PIGF: variants seen among roughly 807,000 people sequenced by gnomAD.
The protein encoded by PIGF is phosphatidylinositol glycan anchor biosynthesis class F.
Under a neutral mutation model 26.0 loss-of-function variants are expected in PIGF, and 23 were observed. The observed-to-expected ratio is 0.88, with a 90% CI of 0.64 to 1.25. PIGF has a LOEUF of 1.25. PIGF is among the 50% of genes most tolerant of loss of function. PIGF has a pLI of 0.00. For synonymous variants in PIGF, 93 were observed against 92.6 expected (o/e 1.00, Z -0.03); for missense variants, 278 against 249.9 (o/e 1.11, Z -0.76).
chr2:46,608,408 T>C (rs1670291614), intron 4 of PIGF, among the ~76,000 whole-genome samples: 1 of 152,210 alleles, frequency 6.6e-6, no homozygotes, highest in Non-Finnish European at 1.5e-5. Context: ...TCCACTGAAG[T>C]CCTGAACCTC....
chr2:46,590,463 A>T (rs1385784879), intron 5 of PIGF, among the ~76,000 whole-genome samples: 3 of 152,162 alleles, frequency 2.0e-5, no homozygotes, highest in African/African-American at 7.2e-5. Context: ...TCTTGTAAAC[A>T]GAAAAGACTT....
At position 46,581,164 on chromosome 2, in the gene PIGF, A is replaced by G. The variant is rs149232659; in HGVS notation, c.*314T>C. Reference sequence around the variant, plus strand: ...TGCTACAGCTATACCCAGACCTTTTATAGGTAATGAAGCAGTTCAAAACTT... The same window carrying G: ...TGCTACAGCTATACCCAGACCTTTTGTAGGTAATGAAGCAGTTCAAAACTT... On this transcript the variant is annotated 3_prime_UTR_variant, in exon 6 of 6. Transcript: ENST00000281382. The G allele has an allele frequency of 1.7e-3, 2,027 of 1,180,902 alleles. 12 individuals are homozygous for G. In the African/African-American group the frequency reaches 0.024, roughly 14 times the overall value. 73.2% of individuals were successfully genotyped at this position (1,180,902 alleles called of 1,614,324 possible).
At chr2:46,601,167 A>G (rs1327988918) in intron 4 of PIGF, among the ~76,000 whole-genome samples, 2 of 152,118 alleles carry the variant, frequency 1.3e-5, no homozygotes, top group South Asian at 4.1e-4. Context: ...TAATAAAGCT[A>G]TTTGAATTCT....
intron 4 of PIGF, among the ~76,000 whole-genome samples, chr2:46,597,459 C>T (rs1000273547): frequency 5.9e-5 from 9 of 151,554 alleles, no homozygotes; most frequent in Admixed American, 1.3e-4. Context: ...GTCATCCAGG[C>T]TGGAGTGCAG....
intron 4 of PIGF, among the ~76,000 whole-genome samples, chr2:46,596,745 C>T (rs543461160): frequency 6.6e-6 from 1 of 152,070 alleles, no homozygotes; most frequent in African/African-American, 2.4e-5. Context: ...GATTTAGCAC[C>T]TTTTATCTAC....
chr2:46,591,918 A>G, intron 5 of PIGF: 1 of 1,303,890 alleles, frequency 7.7e-7, no homozygotes, highest in African/African-American at 1.5e-5. Flanking sequence ...TTACCTTGCT[A>G]TCTGCTTCTA....
At chr2:46,599,454 T>C (rs981865814) in intron 4 of PIGF, among the ~76,000 whole-genome samples, 6 of 152,210 alleles carry the variant, frequency 3.9e-5, no homozygotes, top group Non-Finnish European at 8.8e-5. Context: ...TTCTCCTCTA[T>C]ATTTATCACA....
chr2:46,584,951 AT>A, intron 5 of PIGF, among the ~76,000 whole-genome samples: 1 of 152,314 alleles, frequency 6.6e-6, no homozygotes, highest in Admixed American at 6.5e-5. Flanking sequence ...TGGCAACAGA[AT>A]TCATTTGTAA....
rs146132195 is a variant in PIGF at position 46,591,644 on chromosome 2, G to T, written c.546+831C>A. 1,154 of 923,822 alleles carry T rather than the reference G, an allele frequency of 1.2e-3. 10 individuals are homozygous for T. In the African/African-American group the frequency reaches 0.019, roughly 15 times the overall value. 57.2% of individuals were successfully genotyped at this position (923,822 alleles called of 1,614,324 possible). ...AATCTAAATGATCAATAGTGAATTT[G>T]TTAAATAAGTTATAAAGTATATAAT... On this transcript the variant is annotated intron_variant, in intron 5 of 5. Coordinates refer to ENST00000281382, the MANE Select transcript of PIGF (RefSeq NM_002643.4).
intron 4 of PIGF, among the ~76,000 whole-genome samples, chr2:46,603,656 G>A (rs1432321774): frequency 6.6e-6 from 1 of 151,990 alleles, no homozygotes; most frequent in African/African-American, 2.4e-5. Context: ...ATATCCATAC[G>A]CAGAAGAATG....
intron 4 of PIGF, among the ~76,000 whole-genome samples, chr2:46,608,241 T>G (rs1405361323): frequency 1.3e-5 from 2 of 152,248 alleles, no homozygotes; most frequent in African/African-American, 4.8e-5. Context: ...TCTTCACCAG[T>G]AGATTCCATC....
intron 4 of PIGF, among the ~76,000 whole-genome samples, chr2:46,603,722 A>G (rs1325618378): frequency 6.6e-6 from 1 of 152,096 alleles, no homozygotes; most frequent in Non-Finnish European, 1.5e-5. Flanking sequence ...TGGATTAAAG[A>G]CTTAAATTTA....
intron 5 of PIGF, chr2:46,591,738 A>T: frequency 2.6e-6 from 3 of 1,140,196 alleles, no homozygotes; most frequent in Non-Finnish European, 3.3e-6. Flanking sequence ...TGACCTTGGG[A>T]ATGTTACATA....
intron 4 of PIGF, among the ~76,000 whole-genome samples, chr2:46,601,817 T>C (rs887370952): frequency 3.3e-5 from 5 of 152,040 alleles, no homozygotes; most frequent in Non-Finnish European, 7.4e-5. Context: ...AAATAGGTCT[T>C]ATTGAATGTT....
Position 46,615,245 on chromosome 2 carries a change from T to C in PIGF, c.-21-60A>G. On this transcript the variant is annotated intron_variant, in intron 1 of 5. Transcript: ENST00000281382. ...TAACGACTTTTTCCATTGTCTTAAA[T>C]GTTTTGACCCCTAAAAATAGGTCAT... The C allele has an allele frequency of 6.9e-6, 5 of 720,748 alleles. No individual in the cohort carries two copies. The South Asian group carries it at 8.6e-5, about 12-fold the overall frequency. 44.6% of individuals were successfully genotyped at this position (720,748 alleles called of 1,614,324 possible).
intron 4 of PIGF, among the ~76,000 whole-genome samples, chr2:46,611,568 G>T (rs1475685805): frequency 6.6e-6 from 1 of 151,990 alleles, no homozygotes; most frequent in African/African-American, 2.4e-5. Context: ...CAGACTAAGT[G>T]CTCAAGAAGT....
Position 46,617,032 on chromosome 2 carries a change from G to C in PIGF, c.-84C>G, listed in dbSNP as rs528159996. 3.4e-6 allele frequency: 2 copies of C among 589,060 alleles called. No individual in the cohort carries two copies. Among genetic ancestry groups the C allele is most frequent in the South Asian group, 4.0e-5 (2 of 50,468 alleles). The allele number at this position is 589,060 out of a possible 1,614,324, so 36.5% of individuals were successfully genotyped here. On this transcript the variant is annotated 5_prime_UTR_variant, in exon 1 of 6. Coordinates refer to ENST00000281382, the MANE Select transcript of PIGF (RefSeq NM_002643.4). ...CTGCCTCCTACCATCAGGTACGACG[G>C]GCGGCCCAGGCCCACGCGCAGGCGC... is the stretch of plus-strand genomic sequence containing the variant.
At chr2:46,613,604 A>T in intron 3 of PIGF, 90 bp downstream of exon 3, 1 of 890,028 alleles carries the variant, frequency 1.1e-6, no homozygotes, top group East Asian at 2.8e-5. Context: ...GATGCACATC[A>T]TGGTTTTTCT....
At position 46,581,231 on chromosome 2, in the gene PIGF, T is replaced by C. The variant is rs1300801084; in HGVS notation, c.*247A>G. 3.0e-6 allele frequency: 3 copies of C among 989,624 alleles called. No homozygotes were observed. The highest frequency in any genetic ancestry group is 1.8e-5 in the South Asian group (1 of 54,086). The allele number at this position is 989,624 out of a possible 1,614,324, so 61.3% of individuals were successfully genotyped here. On this transcript the variant is annotated 3_prime_UTR_variant, in exon 6 of 6. Transcript: ENST00000281382. ...TGTCCTCAGAATTCTATAAAGTGTA[T>C]TAAGAATGTTCCTTAAAGGTTTAAG...
Sources: allele counts gnomAD v4.1 joint callset (sites outside exome capture counted in the v4.1 genomes callset), GRCh38; gene constraint gnomAD v4.1.1; transcripts MANE v1.5; gene names NCBI Gene and HGNC (gene_info 2026-07-23, HGNC 2026-07-21).